Variants in NCBP1 observed in about 807,000 individuals in gnomAD.
The protein encoded by NCBP1 is nuclear cap-binding protein subunit 1.
Under a neutral mutation model 111.7 loss-of-function variants are expected in NCBP1, and 16 were observed. That is an observed-to-expected ratio of 0.14 (90% CI 0.10 to 0.22). The LOEUF is 0.22. Among genes scored for constraint, NCBP1 ranks in the 10% least tolerant of loss-of-function variants. The probability of loss-of-function intolerance (pLI) is 1.00; values close to 1 mark genes in which losing one functional copy is unlikely to be tolerated. For synonymous variants in NCBP1, 304 were observed against 314.3 expected, an observed-to-expected ratio of 0.97 and a Z score of 0.35; for missense variants, 607 against 957.5, an observed-to-expected ratio of 0.63 and a Z score of 4.83.
intron 22 of NCBP1, 138 bp from the exon 23 acceptor site, chr9:97,670,948 A>G (rs1828171502): frequency 1.9e-6 from 1 of 515,400 alleles, no homozygotes; most frequent in Admixed American, 3.8e-5. Context: ...TCAGGGGTCC[A>G]TTGTTCCTAT....
At chr9:97,669,567 T>C in intron 21 of NCBP1, 26 bp from the exon 22 acceptor site, 2 of 1,491,492 alleles carry the variant, frequency 1.3e-6, no homozygotes, top group South Asian at 1.1e-5. Flanking sequence ...TCTGTAGTAC[T>C]ACCTTAACTT....
Position 97,658,738 on chromosome 9 carries a change from G to A in NCBP1, c.1472G>A (p.Ser491Asn). ...TGCATTTACAAGTATGGAGATGAAAGTAGCAGTAAGTAATGAAACTAATCC... is the reference window on the plus strand; with the variant it reads ...TGCATTTACAAGTATGGAGATGAAAATAGCAGTAAGTAATGAAACTAATCC... ...PTCIYKYGDE[S>N]SNSLPGHSVA... Residue 491 changes from serine to asparagine, a missense_variant, in exon 15 of 23, where the codon AGT becomes AAT. Ser to Asn is a conservative substitution (Grantham distance 46). Transcript: ENST00000375147. 1 of 1,591,952 alleles carries A rather than the reference G, an allele frequency of 6.3e-7. No homozygotes were observed. The highest frequency in any genetic ancestry group is 1.1e-5 in the South Asian group (1 of 90,632).
intron 12 of NCBP1, among the ~76,000 whole-genome samples, 158 bp from the exon 13 acceptor site, chr9:97,655,544 A>G (rs930431269): frequency 6.6e-6 from 1 of 152,228 alleles, no homozygotes; most frequent in Non-Finnish European, 1.5e-5. Context: ...AAAAAGGATA[A>G]AGAGAGTTGG....
chr9:97,666,434 G>C (rs1038816953), intron 19 of NCBP1, among the ~76,000 whole-genome samples: 2 of 152,120 alleles, frequency 1.3e-5, no homozygotes, highest in Non-Finnish European at 2.9e-5. Context: ...GAGGAAAAAT[G>C]TATTTCCATT....
intron 19 of NCBP1, among the ~76,000 whole-genome samples, chr9:97,665,851 T>G (rs1827985585): frequency 6.7e-6 from 1 of 149,524 alleles, no homozygotes. Flanking sequence ...GCCTTAGTGA[T>G]AACGTAGTCA....
chr9:97,669,038 A>T, intron 21 of NCBP1, 64 bp downstream of exon 21: 2 of 1,479,264 alleles, frequency 1.4e-6, no homozygotes, highest in Non-Finnish European at 1.8e-6. Flanking sequence ...TTTAGTTTTT[A>T]AAAATGTTAT....
intron 22 of NCBP1, 165 bp downstream of exon 22, chr9:97,669,871 A>C (rs1424164227): frequency 1.0e-5 from 7 of 697,636 alleles, no homozygotes; most frequent in Non-Finnish European, 1.8e-5. Context: ...ATTTAGGCTT[A>C]AACTGATTCT....
chr9:97,663,756 G>A (rs1238778342), intron 18 of NCBP1, among the ~76,000 whole-genome samples: 1 of 151,794 alleles, frequency 6.6e-6, no homozygotes, highest in Non-Finnish European at 1.5e-5. Context: ...AAGTGTGCTA[G>A]ATTACAGGTG....
rs372358511 is a variant in NCBP1 at position 97,668,888 on chromosome 9, G to T, written c.2059G>T (p.Val687Phe). The change falls in exon 21 of 23, where the codon GTT becomes TTT. Residue 687 changes from valine to phenylalanine, a missense_variant. Physicochemically the swap from Val to Phe is conservative, Grantham distance 50. Coordinates refer to ENST00000375147, the MANE Select transcript of NCBP1 (RefSeq NM_002486.5). Reference protein sequence around the residue: ...DDRSSDRKDGVLEEQIERLQE... With the variant: ...DDRSSDRKDGFLEEQIERLQE... ...CAGAAGCAGTGACAGGAAAGACGGG[G>T]TTCTTGAGGAACAAATAGAACGACT... The T allele has an allele frequency of 5.0e-6, 8 of 1,613,658 alleles. No homozygotes were observed. The highest frequency in any genetic ancestry group is 6.8e-6 in the Non-Finnish European group (8 of 1,179,696).
rs1286050711 is a variant in NCBP1 at position 97,673,489 on chromosome 9, T to C, written c.*2290T>C. The C allele has an allele frequency of 6.6e-6, 1 of 152,238 alleles. No homozygotes were observed. The highest frequency in any genetic ancestry group is 2.4e-5 in the African/African-American group (1 of 41,454). 9.4% of individuals were successfully genotyped at this position (152,238 alleles called of 1,614,324 possible). A position where few individuals can be genotyped will look rare whatever the true frequency, so the allele number is the denominator to read the frequency against. On this transcript the variant is annotated 3_prime_UTR_variant, in exon 23 of 23. Transcript: ENST00000375147. ...TTCTTTTCTCTTGGTCCTCTCTTCA[T>C]GTATAATGGTTGCTTTTAACAGCTG... is the stretch of plus-strand genomic sequence containing the variant.
chr9:97,670,006 T>A, intron 22 of NCBP1: 4 of 406,524 alleles, frequency 9.8e-6, no homozygotes, highest in Non-Finnish European at 1.8e-5. Flanking sequence ...CACTGCAACC[T>A]CCACCTCCTA....
chr9:97,634,616 T>C (rs1564014415), intron 1 of NCBP1: 1 of 152,136 alleles, frequency 6.6e-6, no homozygotes, highest in Non-Finnish European at 1.5e-5. Flanking sequence ...GTTGCCTTCA[T>C]AAAGATGGAA....
intron 15 of NCBP1, among the ~76,000 whole-genome samples, 160 bp from the exon 16 acceptor site, chr9:97,660,786 A>AT (rs1827812656): frequency 1.3e-5 from 2 of 152,246 alleles, no homozygotes; most frequent in South Asian, 4.1e-4. Context: ...AAGCTTTCAC[A>AT]TACGGTATTT....
intron 19 of NCBP1, among the ~76,000 whole-genome samples, chr9:97,664,787 C>G (rs73498394): frequency 0.024 from 3,657 of 152,184 alleles, 135 homozygotes; most frequent in East Asian, 0.13. Flanking sequence ...AGGGTTCCAG[C>G]TTCAGTGGGG....
At position 97,662,985 on chromosome 9, in the gene NCBP1, A is replaced by G; in HGVS notation, c.1735A>G (p.Ser579Gly). 1 of 1,613,272 alleles carries G rather than the reference A, an allele frequency of 6.2e-7. No homozygotes were observed. The highest frequency in any genetic ancestry group is 8.5e-7 in the Non-Finnish European group (1 of 1,179,700). Reference sequence around the variant, plus strand: ...TGAAGTCTTCAAAACCCTAGCTGAAAGTGATGAAGGAAAGTTACATGTGCT... The same window carrying G: ...TGAAGTCTTCAAAACCCTAGCTGAAGGTGATGAAGGAAAGTTACATGTGCT... Reference protein sequence around the residue: ...FHEVFKTLAESDEGKLHVLRV... With the variant: ...FHEVFKTLAEGDEGKLHVLRV... The change falls in exon 18 of 23, where the codon AGT becomes GGT. Residue 579 changes from serine (S) to glycine (G), a missense_variant. Ser to Gly is a moderately conservative substitution (Grantham distance 56). Around this residue, in one of 9 missense-constraint regions of NCBP1, gnomAD observed 282 missense variants for 376.5 expected, o/e 0.75. Transcript: ENST00000375147.
rs1275769807 is a variant in NCBP1, at chr9:97,669,627, G to C, written c.2180G>C (p.Arg727Pro). Residue 727 changes from arginine to proline, a missense_variant, in exon 22 of 23, where the codon CGA becomes CCA. By Grantham distance (103) the Arg-to-Pro change is moderately radical. This residue lies in a region of NCBP1 where 282 missense variants were observed against 376.5 expected (regional missense o/e 0.75). Coordinates refer to ENST00000375147, the MANE Select transcript of NCBP1 (RefSeq NM_002486.5). ...ATGATCTTGACCGAGCACCTAGTAC[G>C]ATGCGAAACTGATGGGACCAGTGTA... ...FIMILTEHLV[R>P]CETDGTSVLT... The C allele has an allele frequency of 1.2e-6, 2 of 1,612,622 alleles. No individual in the cohort carries two copies. Among genetic ancestry groups the C allele is most frequent in the Admixed American group, 1.7e-5 (1 of 59,974 alleles).
At chr9:97,652,632 T>C (rs767725323) in intron 10 of NCBP1, among the ~76,000 whole-genome samples, 28 of 152,038 alleles carry the variant, frequency 1.8e-4, no homozygotes, top group Non-Finnish European at 3.5e-4. Flanking sequence ...AATAAATAAA[T>C]AGTGTTCATG....
At chr9:97,651,150 A>G (rs1827487348) in intron 9 of NCBP1, among the ~76,000 whole-genome samples, 160 bp from the exon 10 acceptor site, 1 of 152,218 alleles carries the variant, frequency 6.6e-6, no homozygotes, top group Non-Finnish European at 1.5e-5. Flanking sequence ...TGTGGTAGAC[A>G]GAATAATTTA....
intron 4 of NCBP1, among the ~76,000 whole-genome samples, 160 bp downstream of exon 4, chr9:97,643,520 C>T (rs1243250635): frequency 6.6e-6 from 1 of 152,118 alleles, no homozygotes; most frequent in Non-Finnish European, 1.5e-5. Flanking sequence ...AAATCTGTAA[C>T]TGTATCTCCA....
Sources: gnomAD v4.1 joint callset for allele counts (sites outside exome capture counted in the v4.1 genomes callset) on GRCh38, gnomAD v4.1.1 for gene constraint, gnomAD v4.1.1 regional missense constraint, MANE v1.5 for transcripts, NCBI Gene and HGNC (gene_info 2026-07-23, HGNC 2026-07-21) for gene names.